UGT1A9: variants seen among roughly 807,000 people sequenced by gnomAD.
The protein encoded by UGT1A9 is UDP glucuronosyltransferase family 1 member A9, also known as UDP-glucuronosyltransferase 1A9.
UGT1A9 carries 35 observed loss-of-function variants against 45.0 expected under a neutral mutation model. The observed-to-expected ratio is 0.78, with a 90% CI of 0.59 to 1.03. The LOEUF (loss-of-function observed/expected upper bound fraction) is 1.03. Among genes scored for constraint, UGT1A9 ranks in the 50% least tolerant of loss-of-function variants. UGT1A9 has a pLI of 0.00. For missense variants in UGT1A9, 687 were observed against 666.6 expected (o/e 1.03, Z -0.34); for synonymous variants, 278 against 250.6 (o/e 1.11, Z -1.03).
rs777947055 is a variant in UGT1A9 at position 233,719,057 on chromosome 2, C to G, written c.855+46268C>G. The G allele has an allele frequency of 2.1e-5, 34 of 1,614,154 alleles. No homozygotes were observed. In the Admixed American group the frequency reaches 2.3e-4, roughly 11 times the overall value. On this transcript the variant is annotated intron_variant, in intron 1 of 4. Transcript: ENST00000354728. ...AAGAGAAATTTTTCACCCTGACAGC[C>G]TATGCTGTTCCATGGACCCAGAAGG...
At chr2:233,763,561 T>A (rs1698343622) in intron 1 of UGT1A9, among the ~76,000 whole-genome samples, 1 of 152,248 alleles carries the variant, frequency 6.6e-6, no homozygotes, top group Admixed American at 6.5e-5. Context: ...GTCAAGTTAC[T>A]GTTCTTATTT....
chr2:233,708,329 G>A (rs537041320), intron 1 of UGT1A9: 6 of 152,052 alleles, frequency 3.9e-5, no homozygotes, highest in African/African-American at 1.4e-4. Context: ...AATATCTCAA[G>A]GTTATTTGAA....
At chr2:233,762,035 T>C (rs960173120) in intron 1 of UGT1A9, among the ~76,000 whole-genome samples, 7 of 152,218 alleles carry the variant, frequency 4.6e-5, no homozygotes, top group African/African-American at 1.4e-4. Flanking sequence ...TTTTTTTTAA[T>C]TTTCTGTGCA....
intron 1 of UGT1A9, chr2:233,747,473 T>G: frequency 1.4e-5 from 23 of 1,608,772 alleles, no homozygotes; most frequent in Non-Finnish European, 1.9e-5. Flanking sequence ...GGACCCAGGA[T>G]GAATTTGATC....
At chr2:233,766,958 T>C in intron 1 of UGT1A9, 76 bp from the exon 2 acceptor site, 1 of 1,605,414 alleles carries the variant, frequency 6.2e-7, no homozygotes, top group Non-Finnish European at 8.5e-7. Context: ...GGAAGATATC[T>C]AATTCATAAC....
intron 1 of UGT1A9, among the ~76,000 whole-genome samples, chr2:233,703,977 G>T (rs139887897): frequency 0.027 from 4,130 of 151,638 alleles, 94 homozygotes; most frequent in African/African-American, 0.047. Context: ...TGCAACCTCC[G>T]CCTCCTGGGT....
At chr2:233,748,101 C>T in intron 1 of UGT1A9, 2 of 1,612,622 alleles carry the variant, frequency 1.2e-6, no homozygotes, top group Non-Finnish European at 1.7e-6. Flanking sequence ...TGCCTTCATC[C>T]AATCAATGTT....
intron 1 of UGT1A9, chr2:233,690,406 A>G (rs1332144617): frequency 5.9e-6 from 7 of 1,193,304 alleles, no homozygotes; most frequent in Non-Finnish European, 7.7e-6. Flanking sequence ...TATTCCCAAC[A>G]TGAAATTACC....
Position 233,772,885 on chromosome 2 carries a change from A to C in UGT1A9, c.*326A>C. ...GGCCTGTTTGGGAGTGCGGGATTCA[A>C]AGGTGGTCCCACGGCTGCCCCTACT... On this transcript the variant is annotated 3_prime_UTR_variant, in exon 5 of 5. Transcript: ENST00000354728. 1.8e-6 allele frequency: 1 copy of C among 555,428 alleles called. No individual in the cohort carries two copies. Among genetic ancestry groups the C allele is most frequent in the Non-Finnish European group, 2.8e-6 (1 of 357,440 alleles). The allele number at this position is 555,428 out of a possible 1,614,324, so 34.4% of individuals were successfully genotyped here.
Position 233,769,845 on chromosome 2 carries a change from G to T in UGT1A9, c.1295+1406G>T. ...ACTCCAGCAACCTGGGCAACAGAGT[G>T]AGACCCTGTCTCAAAAAAAAAAAAA... On this transcript the variant is annotated intron_variant, in intron 4 of 4. Transcript: ENST00000354728. This position sits in a 1 kb window ranked among gnomAD's most constrained non-coding sequence, Gnocchi z 4.4. The T allele has an allele frequency of 6.0e-6, 3 of 503,862 alleles. No individual in the cohort carries two copies. The highest frequency in any genetic ancestry group is 6.3e-6 in the Non-Finnish European group (2 of 319,128). 31.2% of individuals were successfully genotyped at this position (503,862 alleles called of 1,614,324 possible).
Position 233,736,712 on chromosome 2 carries a change from C to T in UGT1A9, c.856-30322C>T, listed in dbSNP as rs373789864. On this transcript the variant is annotated intron_variant, in intron 1 of 4. Coordinates refer to ENST00000354728, the MANE Select transcript of UGT1A9 (RefSeq NM_021027.3). ...ACAGATGGGGTTTTGGTGTAGATGT[C>T]CTTTTTGTTGATGTTTATGCTGTTC... Among the ~76,000 whole-genome samples, 3 of 152,156 alleles carry T rather than the reference C, an allele frequency of 2.0e-5. No individual in the cohort carries two copies. In the East Asian group the frequency reaches 5.8e-4, roughly 29 times the overall value.
At chr2:233,761,315 C>T (rs1196056744) in intron 1 of UGT1A9, among the ~76,000 whole-genome samples, 1 of 152,360 alleles carries the variant, frequency 6.6e-6, no homozygotes, top group East Asian at 1.9e-4. Flanking sequence ...TCTTTGGCAT[C>T]ATCTTCTGGA....
At chr2:233,705,536 G>A (rs915166566) in intron 1 of UGT1A9, among the ~76,000 whole-genome samples, 5 of 152,188 alleles carry the variant, frequency 3.3e-5, no homozygotes, top group Non-Finnish European at 7.3e-5. Flanking sequence ...CTTCAGCTGT[G>A]AAGAGCAGCT....
intron 1 of UGT1A9, among the ~76,000 whole-genome samples, chr2:233,717,560 C>T (rs2076588368): frequency 6.6e-6 from 1 of 152,246 alleles, no homozygotes; most frequent in Admixed American, 6.5e-5. Flanking sequence ...CAATGGCAGA[C>T]ATGGCCAGGC....
At chr2:233,771,873 A>C (rs912640618) in intron 4 of UGT1A9, among the ~76,000 whole-genome samples, 1 of 150,972 alleles carries the variant, frequency 6.6e-6, no homozygotes, top group African/African-American at 2.4e-5. Context: ...ACATTTATTA[A>C]GAATAAGTTT....
At chr2:233,756,312 ATCC>A (rs1696175479) in intron 1 of UGT1A9, 1 of 152,140 alleles carries the variant, frequency 6.6e-6, no homozygotes, top group Admixed American at 6.5e-5. Flanking sequence ...ACCTACCCAT[ATCC>A]TCCTTTAAAC....
chr2:233,729,869 T>C (rs1226699407), intron 1 of UGT1A9: 4 of 1,613,726 alleles, frequency 2.5e-6, no homozygotes, highest in East Asian at 4.5e-5. Context: ...GTGGTGGATA[T>C]TCTCAGTCAT....
At chr2:233,723,999 A>C (rs2077152052) in intron 1 of UGT1A9, among the ~76,000 whole-genome samples, 1 of 70,856 alleles carries the variant, frequency 1.4e-5, no homozygotes, top group Non-Finnish European at 2.6e-5. Context: ...TTTCTATTCC[A>C]CAAAGCCGCC....
chr2:233,680,788 G>A (rs1300434869), intron 1 of UGT1A9, among the ~76,000 whole-genome samples: 1 of 152,150 alleles, frequency 6.6e-6, no homozygotes, highest in East Asian at 1.9e-4. Flanking sequence ...TGATTGGGGT[G>A]GGCCCATAGC....
Sources: gnomAD v4.1 joint callset for allele counts (sites outside exome capture counted in the v4.1 genomes callset) on GRCh38, gnomAD v4.1.1 for gene constraint, Gnocchi (gnomAD v3.1) non-coding constraint, MANE v1.5 for transcripts, NCBI Gene and HGNC (gene_info 2026-07-23, HGNC 2026-07-21) for gene names.